RAB7A: variants seen among roughly 807,000 people sequenced by gnomAD.
RAB7A encodes the protein RAB7A, member RAS oncogene family, also known as ras-related protein Rab-7a.
A neutral mutation model predicts 24.5 loss-of-function variants in RAB7A; 2 were observed. The observed-to-expected ratio is 0.08, with a 90% CI of 0.03 to 0.26. The LOEUF is 0.26. Among genes scored for constraint, RAB7A ranks in the 10% least tolerant of loss-of-function variants. The pLI is 1.00. For missense variants in RAB7A, 118 were observed against 255.7 expected, an observed-to-expected ratio of 0.46 and a Z score of 3.67; for synonymous variants, 100 against 95.9, an observed-to-expected ratio of 1.04 and a Z score of -0.25.
intron 5 of RAB7A, among the ~76,000 whole-genome samples, chr3:128,811,341 G>A (rs2107617659): frequency 6.6e-6 from 1 of 152,264 alleles, no homozygotes; most frequent in South Asian, 2.1e-4. Flanking sequence ...CTAGGTACTG[G>A]TGGGAATATA....
chr3:128,809,779 C>T (rs1433911245), intron 5 of RAB7A, among the ~76,000 whole-genome samples: 1 of 151,602 alleles, frequency 6.6e-6, no homozygotes, highest in African/African-American at 2.4e-5. Context: ...AAGCCGTTTC[C>T]CTCCCTGAAT....
intron 1 of RAB7A, among the ~76,000 whole-genome samples, chr3:128,750,861 G>A (rs920132758): frequency 2.0e-5 from 3 of 152,174 alleles, no homozygotes; most frequent in Admixed American, 1.3e-4. Flanking sequence ...TCATGGGCCG[G>A]GCCTAGGGTC....
chr3:128,777,919 G>A (rs1469957771), intron 1 of RAB7A, among the ~76,000 whole-genome samples: 1 of 152,142 alleles, frequency 6.6e-6, no homozygotes, highest in Non-Finnish European at 1.5e-5. Context: ...TCACCATGCT[G>A]GCCAGGCTGG....
At chr3:128,730,983 G>C (rs1271926114) in intron 1 of RAB7A, among the ~76,000 whole-genome samples, 3 of 152,202 alleles carry the variant, frequency 2.0e-5, no homozygotes, top group African/African-American at 7.2e-5. Flanking sequence ...CTCCAGCCTT[G>C]CTTGTCTCTT....
At chr3:128,737,775 A>C (rs2070505285) in intron 1 of RAB7A, among the ~76,000 whole-genome samples, 2 of 138,222 alleles carry the variant, frequency 1.4e-5, no homozygotes, top group African/African-American at 2.8e-5. Flanking sequence ...CAACTTCCCC[A>C]GTAGCTGGGA....
intron 1 of RAB7A, among the ~76,000 whole-genome samples, chr3:128,772,251 G>GAA (rs950198045): frequency 6.6e-6 from 1 of 152,216 alleles, no homozygotes; most frequent in Non-Finnish European, 1.5e-5. Context: ...ACACAACTTA[G>GAA]AGTTGCTGAA....
chr3:128,734,236 C>T (rs1010692531), intron 1 of RAB7A, among the ~76,000 whole-genome samples: 10 of 152,020 alleles, frequency 6.6e-5, no homozygotes, highest in African/African-American at 2.4e-4. Context: ...TCAAGACCAG[C>T]CTGGCCAACA....
intron 1 of RAB7A, among the ~76,000 whole-genome samples, chr3:128,781,324 CTCA>C (rs200880670): frequency 0.012 from 1,814 of 152,274 alleles, 31 homozygotes; most frequent in African/African-American, 0.039. Flanking sequence ...TGTGCATTAT[CTCA>C]TTTGTGGAGG....
At chr3:128,746,067 C>T (rs1401907941) in intron 1 of RAB7A, among the ~76,000 whole-genome samples, 1 of 152,184 alleles carries the variant, frequency 6.6e-6, no homozygotes, top group African/African-American at 2.4e-5. Flanking sequence ...GAAATAGACT[C>T]GGATATTCTG....
chr3:128,778,031 A>G (rs1223618856), intron 1 of RAB7A, among the ~76,000 whole-genome samples: 1 of 152,168 alleles, frequency 6.6e-6, no homozygotes, highest in South Asian at 2.1e-4. Flanking sequence ...CAGTATTTTT[A>G]TTGTGTGTCA....
intron 4 of RAB7A, among the ~76,000 whole-genome samples, chr3:128,807,075 C>T (rs1933819157): frequency 1.3e-5 from 2 of 152,166 alleles, no homozygotes; most frequent in Admixed American, 6.5e-5. Flanking sequence ...GTCCTTATCT[C>T]TTGGCTGAAA....
chr3:128,794,450 G>T (rs1277257169), intron 1 of RAB7A, among the ~76,000 whole-genome samples: 4 of 152,186 alleles, frequency 2.6e-5, no homozygotes, highest in Non-Finnish European at 4.4e-5. Flanking sequence ...CTGTGGCCTG[G>T]GTTCATATCT....
intron 1 of RAB7A, among the ~76,000 whole-genome samples, chr3:128,773,164 C>A (rs567920700): frequency 6.6e-6 from 1 of 152,170 alleles, no homozygotes; most frequent in South Asian, 2.1e-4. Context: ...TGCCCGGCTG[C>A]CCATTGTCTG....
rs1238258223 is a variant in RAB7A, at chr3:128,781,843, T to C, written c.-8-13517T>C. ...ACCTGGGCAACATGGTGAAACCCTGTCTCTACCAAAAATACAAAAATCAGT... is the reference window on the plus strand; with the variant it reads ...ACCTGGGCAACATGGTGAAACCCTGCCTCTACCAAAAATACAAAAATCAGT... On this transcript the variant is annotated intron_variant, in intron 1 of 5. Transcript: ENST00000265062. 2.0e-5 allele frequency among the ~76,000 whole-genome samples: 3 copies of C among 152,024 alleles called. No individual in the cohort carries two copies. The East Asian group carries it at 5.8e-4, about 29-fold the overall frequency.
At position 128,798,086 on chromosome 3, in the gene RAB7A, G is replaced by A; in HGVS notation, c.180+17G>A. The A allele has an allele frequency of 6.2e-7, 1 of 1,613,658 alleles. No individual in the cohort carries two copies. The highest frequency in any genetic ancestry group is 2.2e-5 in the East Asian group (1 of 44,862). ...ACAATGCAGGTAAGCACATGTCTTG[G>A]CTGTGCTGACCAGGCCTTGATAGTT... On this transcript the variant is annotated intron_variant, in intron 3 of 5. Transcript: ENST00000265062.
At chr3:128,749,968 C>T (rs540908622) in intron 1 of RAB7A, among the ~76,000 whole-genome samples, 32 of 152,294 alleles carry the variant, frequency 2.1e-4, no homozygotes, top group African/African-American at 6.7e-4. Context: ...AACTGGGTAA[C>T]AGGCAGAGAT....
intron 5 of RAB7A, among the ~76,000 whole-genome samples, chr3:128,808,902 G>T (rs1933859775): frequency 1.3e-5 from 2 of 152,168 alleles, no homozygotes; most frequent in African/African-American, 4.8e-5. Context: ...GGCATGGGTG[G>T]GGTCTGCACT....
At chr3:128,753,600 G>T (rs1166636598) in intron 1 of RAB7A, among the ~76,000 whole-genome samples, 2 of 152,154 alleles carry the variant, frequency 1.3e-5, no homozygotes, top group Admixed American at 6.5e-5. Flanking sequence ...CAGTTCTGAA[G>T]GTTGGGGGAA....
At chr3:128,783,100 C>T (rs569283582) in intron 1 of RAB7A, among the ~76,000 whole-genome samples, 1 of 152,244 alleles carries the variant, frequency 6.6e-6, no homozygotes, top group East Asian at 1.9e-4. Context: ...TGGGCATGTC[C>T]ACTGTCCCTG....
Sources: allele counts gnomAD v4.1 joint callset (sites outside exome capture counted in the v4.1 genomes callset), GRCh38; gene constraint gnomAD v4.1.1; transcripts MANE v1.5; gene names NCBI Gene and HGNC (gene_info 2026-07-23, HGNC 2026-07-21).